The following MYL12A variants were observed in gnomAD, a reference collection of about 807,000 sequenced individuals.
MYL12A encodes the protein myosin regulatory light chain 12A.
Under a neutral mutation model 13.3 loss-of-function variants are expected in MYL12A, and 11 were observed. The observed-to-expected ratio is 0.83, with a 90% CI of 0.52 to 1.37. MYL12A has a LOEUF of 1.37. MYL12A is among the 40% of genes most tolerant of loss of function. MYL12A has a pLI of 0.00. For synonymous variants in MYL12A, 51 were observed against 69.9 expected, an observed-to-expected ratio of 0.73 and a Z score of 1.35; for missense variants, 146 against 212.3, an observed-to-expected ratio of 0.69 and a Z score of 1.94.
At chr18:3,250,185 G>A (rs560847538) in intron 1 of MYL12A, among the ~76,000 whole-genome samples, 142 of 152,190 alleles carry the variant, frequency 9.3e-4, no homozygotes, top group Non-Finnish European at 1.7e-3. Context: ...TAACCTGCAC[G>A]TTGTGCACAT....
At chr18:3,252,528 CTTTTAAAATTA>C (rs2081496313) in intron 1 of MYL12A, 2 of 1,167,124 alleles carry the variant, frequency 1.7e-6, no homozygotes, top group Non-Finnish European at 2.3e-6. Context: ...TTTTCTAAAA[CTTTTAAAATTA>C]TTTTAAAAGC....
chr18:3,255,318 G>C (rs1168467109), intron 3 of MYL12A: 2 of 153,320 alleles, frequency 1.3e-5, no homozygotes, highest in Non-Finnish European at 2.9e-5. Flanking sequence ...TCTTTCCACT[G>C]TACCACTTTA....
In MYL12A at chr18:3,256,065, A is replaced by T; in HGVS notation, c.*147A>T. The T allele has an allele frequency of 9.9e-7, 1 of 1,012,090 alleles. No homozygotes were observed. Among genetic ancestry groups the T allele is most frequent in the Non-Finnish European group, 1.4e-6 (1 of 696,648 alleles). 62.7% of individuals were successfully genotyped at this position (1,012,090 alleles called of 1,614,324 possible). A position where few individuals can be genotyped will look rare whatever the true frequency, so the allele number is the denominator to read the frequency against. ...TGGGCATATGTATCTTTATAATCAG[A>T]CTGGAAACGGGACTTTCTATTAATA... is the stretch of plus-strand genomic sequence containing the variant. On this transcript the variant is annotated 3_prime_UTR_variant, in exon 4 of 4. Coordinates refer to ENST00000217652, the MANE Select transcript of MYL12A (RefSeq NM_006471.4).
chr18:3,256,093 A>C lies in MYL12A; in HGVS notation c.*175A>C. The C allele has an allele frequency of 1.3e-6, 1 of 770,922 alleles. No homozygotes were observed. The highest frequency in any genetic ancestry group is 2.0e-6 in the Non-Finnish European group (1 of 490,246). The allele number at this position is 770,922 out of a possible 1,614,324, so 47.8% of individuals were successfully genotyped here. ...GGAAACGGGACTTTCTATTAATATC[A>C]TTTTCAGAATAAAAAATAGGATAAT... On this transcript the variant is annotated 3_prime_UTR_variant, in exon 4 of 4. Transcript: ENST00000217652.
intron 1 of MYL12A, chr18:3,252,312 A>C: frequency 6.5e-7 from 1 of 1,533,480 alleles, no homozygotes; most frequent in South Asian, 1.2e-5. Context: ...TCTTCCCTGC[A>C]ACTCTGAAGG....
intron 1 of MYL12A, among the ~76,000 whole-genome samples, chr18:3,250,145 G>A (rs2081470490): frequency 6.6e-6 from 1 of 152,112 alleles, no homozygotes; most frequent in African/African-American, 2.4e-5. Context: ...AATGGGTGCA[G>A]CACACCAACA....
At chr18:3,254,398 A>G (rs912257138) in intron 3 of MYL12A, among the ~76,000 whole-genome samples, 12 of 152,228 alleles carry the variant, frequency 7.9e-5, no homozygotes, top group African/African-American at 2.9e-4. Context: ...CACCACTACA[A>G]TCCTGTATAT....
At chr18:3,249,131 C>T (rs79794368) in intron 1 of MYL12A, among the ~76,000 whole-genome samples, 1,817 of 152,170 alleles carry the variant, frequency 0.012, 40 homozygotes, top group African/African-American at 0.042. Context: ...ACATTTATTG[C>T]CACTTTGTAA....
chr18:3,255,667 G>A, intron 3 of MYL12A, 79 bp from the exon 4 acceptor site: 1 of 1,477,292 alleles, frequency 6.8e-7, no homozygotes, highest in African/African-American at 1.4e-5. Context: ...TACAGAACAT[G>A]CTTAGTCAAG....
At chr18:3,250,941 A>G (rs1285565369) in intron 1 of MYL12A, among the ~76,000 whole-genome samples, 1 of 152,306 alleles carries the variant, frequency 6.6e-6, no homozygotes, top group Non-Finnish European at 1.5e-5. Context: ...TCATTTCTTT[A>G]TAGTTGCCTC....
intron 1 of MYL12A, chr18:3,252,282 A>T (rs750471437): frequency 1.5e-5 from 22 of 1,502,420 alleles, no homozygotes; most frequent in Middle Eastern, 3.4e-4. Context: ...TTTGCTGCTG[A>T]GCGGTTTTGC....
At chr18:3,250,696 ATC>A (rs2081476417) in intron 1 of MYL12A, among the ~76,000 whole-genome samples, 1 of 152,194 alleles carries the variant, frequency 6.6e-6, no homozygotes, top group Non-Finnish European at 1.5e-5. Context: ...TAACAGCCGA[ATC>A]TCTTCATTCT....
At chr18:3,250,126 T>G in intron 1 of MYL12A, among the ~76,000 whole-genome samples, 1 of 151,664 alleles carries the variant, frequency 6.6e-6, no homozygotes, top group Non-Finnish European at 1.5e-5. Context: ...TAATGTTAAA[T>G]GACGAGTTAA....
chr18:3,251,813 C>T (rs958295535), intron 1 of MYL12A, among the ~76,000 whole-genome samples: 1 of 152,102 alleles, frequency 6.6e-6, no homozygotes, highest in Non-Finnish European at 1.5e-5. Flanking sequence ...AACTTCTGTG[C>T]TATGTAGGAT....
At chr18:3,252,100 C>CA (rs1486417253) in intron 1 of MYL12A, 78 of 438,314 alleles carry the variant, frequency 1.8e-4, no homozygotes, top group East Asian at 1.0e-4. Context: ...GTAGTTCATT[C>CA]TTTGCAGTCC....
upstream of MYL12A, chr18:3,247,625 G>A (rs530917677): frequency 2.6e-5 from 4 of 152,596 alleles, no homozygotes; most frequent in South Asian, 2.1e-4. Flanking sequence ...AGGACCCAGA[G>A]GACCATTATA....
rs367664934 is a variant in MYL12A at position 3,254,059 on chromosome 18, G to A, written c.343+9G>A. 2 of 1,607,950 alleles carry A rather than the reference G, an allele frequency of 1.2e-6. No homozygotes were observed. The highest frequency in any genetic ancestry group is 1.7e-5 in the Admixed American group (1 of 57,972). On this transcript the variant is annotated intron_variant, in intron 3 of 3. Transcript: ENST00000217652. ...TGATGAAGAAGCAACTGGTAAGTGA[G>A]AGGTAACCTTTAATTATAAAGTGAT...
rs2081506837 is a variant in MYL12A, at chr18:3,253,429, G to C, written c.181+1G>C. ...TTGCATGATATGCTTGCTTCATTGG[G>C]TAATGCTCAGTTTAAATATTAATCT... On this transcript the variant is annotated splice_donor_variant, in intron 2 of 3. Coordinates refer to ENST00000217652, the MANE Select transcript of MYL12A (RefSeq NM_006471.4). LOFTEE classifies it high-confidence loss of function. 1.2e-6 allele frequency: 2 copies of C among 1,611,886 alleles called. No homozygotes were observed. Among genetic ancestry groups the C allele is most frequent in the Non-Finnish European group, 1.7e-6 (2 of 1,178,946 alleles).
intron 1 of MYL12A, chr18:3,252,151 A>C: frequency 2.0e-6 from 1 of 511,442 alleles, no homozygotes; most frequent in Non-Finnish European, 3.4e-6. Context: ...GTTTTGCCAG[A>C]TCATAGCTAA....
Sources: gnomAD v4.1 joint callset for allele counts (sites outside exome capture counted in the v4.1 genomes callset) on GRCh38, gnomAD v4.1.1 for gene constraint, MANE v1.5 for transcripts, NCBI Gene and HGNC (gene_info 2026-07-23, HGNC 2026-07-21) for gene names.